The following RDX variants were observed in gnomAD, a reference collection of about 807,000 sequenced individuals.
RDX encodes deafness, autosomal recessive 24.
In RDX, 32 loss-of-function variants were observed where a neutral mutation model predicts 83.7. The ratio of observed to expected loss-of-function variants is 0.38; its 90% CI spans 0.29 to 0.51. The LOEUF is 0.51. Ranked by LOEUF, RDX falls within the 20% of genes least tolerant of loss-of-function variation. RDX has a pLI of 0.87. For missense variants in RDX, 600 were observed against 689.9 expected (o/e 0.87, Z 1.46); for synonymous variants, 229 against 222.7 (o/e 1.03, Z -0.25).
At chr11:110,296,111 G>C (rs1357471443) in intron 1 of RDX, among the ~76,000 whole-genome samples, 2 of 152,216 alleles carry the variant, frequency 1.3e-5, no homozygotes, top group African/African-American at 2.4e-5. Flanking sequence ...GGAGCCCACC[G>C]TCCCCAGGGC....
chr11:110,244,118 C>G (rs1003124832), intron 10 of RDX, among the ~76,000 whole-genome samples: 29 of 151,964 alleles, frequency 1.9e-4, no homozygotes, highest in African/African-American at 6.8e-4. Flanking sequence ...CATCAGATTT[C>G]AAACAAATAA....
intron 10 of RDX, 131 bp downstream of exon 10, chr11:110,247,572 T>C (rs1296749493): frequency 4.6e-6 from 4 of 861,246 alleles, no homozygotes; most frequent in African/African-American, 3.4e-5. Flanking sequence ...TTCCACTAAG[T>C]ATTAATTTGC....
At chr11:110,186,588 G>T (rs1259361855) in intron 15 of RDX, among the ~76,000 whole-genome samples, 1 of 151,918 alleles carries the variant, frequency 6.6e-6, no homozygotes, top group Non-Finnish European at 1.5e-5. Context: ...CCAAGGAGAA[G>T]GTAGGCAGGC....
intron 15 of RDX, among the ~76,000 whole-genome samples, chr11:110,176,771 G>A (rs1862781933): frequency 6.6e-6 from 1 of 152,198 alleles, no homozygotes; most frequent in Non-Finnish European, 1.5e-5. Context: ...GGGATTGTCA[G>A]GCCACAGCTT....
chr11:110,202,511 C>A (rs1863449388), intron 14 of RDX, among the ~76,000 whole-genome samples: 1 of 151,986 alleles, frequency 6.6e-6, no homozygotes, highest in Non-Finnish European at 1.5e-5. Context: ...CTCAACATCC[C>A]AGGCACAAGC....
chr11:110,249,344 T>C (rs1306962002), intron 9 of RDX, among the ~76,000 whole-genome samples: 2 of 152,150 alleles, frequency 1.3e-5, no homozygotes, highest in Admixed American at 6.5e-5. Flanking sequence ...CTGATAAACT[T>C]ATCAGAAAAG....
chr11:110,230,357 T>C lies in RDX; in HGVS notation c.*1512A>G, dbSNP rs1018556864. 3.3e-5 allele frequency: 5 copies of C among 152,134 alleles called. 1 individual carries two copies. In the South Asian group the frequency reaches 6.2e-4, roughly 19 times the overall value. 9.4% of individuals were successfully genotyped at this position (152,134 alleles called of 1,614,324 possible). A position where few individuals can be genotyped will look rare whatever the true frequency, so the allele number is the denominator to read the frequency against. ...TAGAACCTCCTTCTAACTGGAAAGA[T>C]TTCTTCAGTAAGCTATAACCGAAAT... On this transcript the variant is annotated 3_prime_UTR_variant, in exon 14 of 14. Coordinates refer to ENST00000645495, the MANE Select transcript of RDX (RefSeq NM_002906.4).
chr11:110,181,006 C>T (rs1338278302), intron 15 of RDX, among the ~76,000 whole-genome samples: 1 of 152,106 alleles, frequency 6.6e-6, no homozygotes, highest in African/African-American at 2.4e-5. Context: ...GATTTGTTTG[C>T]TCCGTTCACA....
intron 10 of RDX, chr11:110,237,886 C>T: frequency 1.8e-6 from 1 of 562,890 alleles, no homozygotes; most frequent in Non-Finnish European, 3.3e-6. Context: ...ATCCTCCCGC[C>T]TCAGCCTCCC....
intron 5 of RDX, among the ~76,000 whole-genome samples, chr11:110,258,408 T>C (rs937759394): frequency 1.3e-5 from 2 of 152,170 alleles, no homozygotes; most frequent in African/African-American, 2.4e-5. Flanking sequence ...CCAATGTCAA[T>C]ATCTTGTTTG....
chr11:110,266,187 G>C (rs1043028049), intron 3 of RDX, among the ~76,000 whole-genome samples: 2 of 151,458 alleles, frequency 1.3e-5, no homozygotes, highest in Non-Finnish European at 2.9e-5. Flanking sequence ...AAAAAAATTA[G>C]CTGGGCGTGG....
intron 14 of RDX, among the ~76,000 whole-genome samples, chr11:110,205,071 T>C (rs1359119343): frequency 6.6e-6 from 1 of 151,844 alleles, no homozygotes; most frequent in Admixed American, 6.6e-5. Flanking sequence ...CACTGACCAA[T>C]GCAACAGATG....
intron 15 of RDX, chr11:110,181,830 A>G (rs888557720): frequency 2.0e-5 from 3 of 152,448 alleles, no homozygotes; most frequent in African/African-American, 4.8e-5. Flanking sequence ...ACTGTCCTGC[A>G]GCAGTGGCCT....
chr11:110,215,530 A>G (rs930915453), intron 14 of RDX, among the ~76,000 whole-genome samples: 8 of 152,172 alleles, frequency 5.3e-5, no homozygotes, highest in African/African-American at 1.9e-4. Context: ...GACTAGAGTT[A>G]CAAGCCCACA....
At chr11:110,235,961 G>C in intron 12 of RDX, 138 bp downstream of exon 12, 1 of 682,384 alleles carries the variant, frequency 1.5e-6, no homozygotes, top group East Asian at 2.7e-5. Flanking sequence ...TCTGTAGATA[G>C]ATATTTACAA....
rs377557089 is a variant in RDX at position 110,231,797 on chromosome 11, A to C, written c.*72T>G. 2.6e-6 allele frequency: 4 copies of C among 1,557,624 alleles called. No homozygotes were observed. Among genetic ancestry groups the C allele is most frequent in the East Asian group, 2.2e-5 (1 of 44,580 alleles). On this transcript the variant is annotated 3_prime_UTR_variant, in exon 14 of 14. Coordinates refer to ENST00000645495, the MANE Select transcript of RDX (RefSeq NM_002906.4). The stretch of plus-strand genomic sequence containing the variant: ...TTGGCAAGGTGGGATGCATTCCATC[A>C]TATCTGCAAAGGCCTGCTTTTCTCT...
At chr11:110,223,535 TAAATA>T (rs1246587112) in intron 14 of RDX, among the ~76,000 whole-genome samples, 2 of 151,382 alleles carry the variant, frequency 1.3e-5, no homozygotes, top group East Asian at 2.0e-4. Context: ...CTCAAAAAAA[TAAATA>T]AAATAAAGTT....
At chr11:110,199,806 G>C in intron 14 of RDX, 1 of 675,590 alleles carries the variant, frequency 1.5e-6, no homozygotes, top group Non-Finnish European at 2.7e-6. Flanking sequence ...CCTGGATTAT[G>C]TAGGGCCTGT....
intron 14 of RDX, among the ~76,000 whole-genome samples, chr11:110,210,634 G>A (rs572144897): frequency 0.011 from 1,599 of 146,470 alleles, 26 homozygotes; most frequent in African/African-American, 0.037. Context: ...GACTAACAGC[G>A]GATCTCTCGG....
Sources: gnomAD v4.1 joint callset for allele counts (sites outside exome capture counted in the v4.1 genomes callset) on GRCh38, gnomAD v4.1.1 for gene constraint, MANE v1.5 for transcripts, NCBI Gene and HGNC (gene_info 2026-07-23, HGNC 2026-07-21) for gene names.